The following MTF2 variants were observed in gnomAD, a reference collection of about 807,000 sequenced individuals.
MTF2 encodes metal-response element-binding transcription factor 2.
Under a neutral mutation model 79.5 loss-of-function variants are expected in MTF2, and 11 were observed. The ratio of observed to expected loss-of-function variants is 0.14; its 90% CI spans 0.09 to 0.23. The LOEUF is 0.23. MTF2 is among the 10% of genes least tolerant of loss of function. The pLI is 1.00. For missense variants in MTF2, 486 were observed against 711.2 expected (o/e 0.68, Z 3.60); for synonymous variants, 208 against 232.8 (o/e 0.89, Z 0.97).
rs1261632833 is a variant in MTF2, at chr1:93,114,980, A to G, written c.383-8A>G. On this transcript the variant is annotated splice_region_variant and splice_polypyrimidine_tract_variant and intron_variant, in intron 4 of 14. Coordinates refer to ENST00000370298, the MANE Select transcript of MTF2 (RefSeq NM_007358.4). ...CCGAATTTGCTTTATGCTTTTTTTG[A>G]TATTAAGGATATCATCAGTTGTGTC... 11 of 1,563,630 alleles carry G rather than the reference A, an allele frequency of 7.0e-6. No homozygotes were observed. The highest frequency in any genetic ancestry group is 9.6e-6 in the Non-Finnish European group (11 of 1,142,912).
At chr1:93,104,418 G>C (rs951515265) in intron 1 of MTF2, among the ~76,000 whole-genome samples, 5 of 151,578 alleles carry the variant, frequency 3.3e-5, no homozygotes, top group African/African-American at 1.2e-4. Flanking sequence ...CTGTGGCTCA[G>C]GCCTGTAATC....
At chr1:93,103,057 G>A (rs550654310) in intron 1 of MTF2, among the ~76,000 whole-genome samples, 12 of 151,818 alleles carry the variant, frequency 7.9e-5, no homozygotes, top group East Asian at 7.8e-4. Context: ...GCTTGAACCC[G>A]GGAGGCAGAG....
chr1:93,125,250 T>C (rs1271124524), intron 9 of MTF2, among the ~76,000 whole-genome samples: 4 of 151,854 alleles, frequency 2.6e-5, no homozygotes. Flanking sequence ...GAATAAGTCA[T>C]GTATACCCTT....
At chr1:93,096,671 C>T (rs1041171431) in intron 1 of MTF2, among the ~76,000 whole-genome samples, 1 of 151,740 alleles carries the variant, frequency 6.6e-6, no homozygotes, top group African/African-American at 2.4e-5. Context: ...CGTATCTCTC[C>T]AACTACTGCT....
chr1:93,121,567 G>A, intron 9 of MTF2: 1 of 979,754 alleles, frequency 1.0e-6, no homozygotes, highest in Non-Finnish European at 1.2e-6. Context: ...GATATCAAAG[G>A]GCTTTTTGGG....
Position 93,133,651 on chromosome 1 carries a change from G to A in MTF2, c.1161-52G>A, listed in dbSNP as rs146249345. The stretch of plus-strand genomic sequence containing the variant: ...GTCTAGTTACATACATAGAGTCAAT[G>A]TCTTTGTTTTCTTTATGCAGAGATT... On this transcript the variant is annotated intron_variant, in intron 11 of 14. Transcript: ENST00000370298. The A allele has an allele frequency of 4.0e-6, 5 of 1,253,752 alleles. No individual in the cohort carries two copies. The East Asian group carries it at 1.2e-4, about 29-fold the overall frequency. The allele number at this position is 1,253,752 out of a possible 1,614,324, so 77.7% of individuals were successfully genotyped here. A position where few individuals can be genotyped will look rare whatever the true frequency, so the allele number is the denominator to read the frequency against.
intron 1 of MTF2, among the ~76,000 whole-genome samples, chr1:93,082,936 T>A (rs1381441469): frequency 6.6e-6 from 1 of 152,208 alleles, no homozygotes; most frequent in Non-Finnish European, 1.5e-5. Context: ...TTCTGGACAT[T>A]TCATGTAAAT....
intron 1 of MTF2, among the ~76,000 whole-genome samples, chr1:93,101,366 CTTTTTTTTTTTTTTT>C (rs71586777): frequency 0.14 from 14,865 of 108,840 alleles, 1,044 homozygotes; most frequent in East Asian, 0.31. Context: ...CTATCTTAAC[CTTTTTTTTTTTTTTT>C]TTTTTTTTTT....
intron 11 of MTF2, among the ~76,000 whole-genome samples, chr1:93,130,297 G>A (rs551842524): frequency 8.4e-4 from 128 of 152,296 alleles, no homozygotes; most frequent in Middle Eastern, 3.4e-3. Context: ...GAAATACTTG[G>A]CCGGGTGCAC....
At chr1:93,081,081 AC>A (rs1377727873) in intron 1 of MTF2, 2 of 152,338 alleles carry the variant, frequency 1.3e-5, no homozygotes, top group East Asian at 3.9e-4. Flanking sequence ...GCTTCCTGAT[AC>A]TACATTTATA....
intron 1 of MTF2, among the ~76,000 whole-genome samples, chr1:93,087,523 G>A (rs1654896633): frequency 6.7e-6 from 1 of 150,166 alleles, no homozygotes; most frequent in Non-Finnish European, 1.5e-5. Context: ...AGTGAGCGGA[G>A]ATGGTACCAT....
intron 1 of MTF2, among the ~76,000 whole-genome samples, chr1:93,101,567 G>GTTTTTTTTT: frequency 9.6e-5 from 1 of 10,456 alleles, no homozygotes; most frequent in Non-Finnish European, 2.0e-4. Flanking sequence ...TGCTCAGGCT[G>GTTTTTTTTT]GTTTTTTTTT....
intron 9 of MTF2, among the ~76,000 whole-genome samples, chr1:93,125,354 A>G (rs986544696): frequency 1.0e-4 from 15 of 147,800 alleles, no homozygotes; most frequent in Admixed American, 7.5e-4. Context: ...TGGGCATGAT[A>G]TAGACATAGT....
chr1:93,079,370 C>A lies in MTF2; in HGVS notation c.-157C>A. On this transcript the variant is annotated 5_prime_UTR_variant, in exon 1 of 15. Transcript: ENST00000370298. ...TAAGAACGCTCATTCTACCCCCAAC[C>A]CTTGTCTCCAAGGACCTCGGTTTGT... 1.2e-6 allele frequency: 1 copy of A among 848,514 alleles called. No individual in the cohort carries two copies. Among genetic ancestry groups the A allele is most frequent in the South Asian group, 1.5e-5 (1 of 68,186 alleles). The allele number at this position is 848,514 out of a possible 1,614,324, so 52.6% of individuals were successfully genotyped here. A position where few individuals can be genotyped will look rare whatever the true frequency, so the allele number is the denominator to read the frequency against.
intron 1 of MTF2, among the ~76,000 whole-genome samples, chr1:93,093,297 C>G (rs535177504): frequency 6.6e-6 from 1 of 152,168 alleles, no homozygotes; most frequent in South Asian, 2.1e-4. Context: ...ACAAAATTTG[C>G]CTAGTTTTCT....
At chr1:93,112,928 A>G (rs1289209027) in intron 3 of MTF2, among the ~76,000 whole-genome samples, 1 of 152,192 alleles carries the variant, frequency 6.6e-6, no homozygotes, top group Non-Finnish European at 1.5e-5. Context: ...AGGTAGTTAC[A>G]GTGAGAGTCA....
At chr1:93,092,756 T>C (rs1310032992) in intron 1 of MTF2, among the ~76,000 whole-genome samples, 1 of 151,978 alleles carries the variant, frequency 6.6e-6, no homozygotes, top group African/African-American at 2.4e-5. Flanking sequence ...GCTTCTCTCC[T>C]CATTCTTTCA....
At chr1:93,101,567 G>GTTTTTTTTTTTTT (rs1655535361) in intron 1 of MTF2, among the ~76,000 whole-genome samples, 1 of 10,434 alleles carries the variant, frequency 9.6e-5, no homozygotes, top group Non-Finnish European at 2.0e-4. Flanking sequence ...TGCTCAGGCT[G>GTTTTTTTTTTTTT]GTTTTTTTTT....
chr1:93,105,183 G>C (rs1304721457), intron 1 of MTF2, among the ~76,000 whole-genome samples: 2 of 150,640 alleles, frequency 1.3e-5, no homozygotes, highest in African/African-American at 2.4e-5. Flanking sequence ...TCCCTGTTTG[G>C]GGGGAGGTTA....
Sources: allele counts gnomAD v4.1 joint callset (sites outside exome capture counted in the v4.1 genomes callset), GRCh38; gene constraint gnomAD v4.1.1; transcripts MANE v1.5; gene names NCBI Gene and HGNC (gene_info 2026-07-23, HGNC 2026-07-21).